The following ANGPT1 variants were observed in gnomAD, a reference collection of about 807,000 sequenced individuals.
The protein encoded by ANGPT1 is angiopoietin-1.
In ANGPT1, 17 loss-of-function variants were observed where a neutral mutation model predicts 62.2. That is an observed-to-expected ratio of 0.27 (90% CI 0.19 to 0.41). The LOEUF (loss-of-function observed/expected upper bound fraction) is 0.41. Ranked by LOEUF, ANGPT1 falls within the 10% of genes least tolerant of loss-of-function variation. The pLI is 1.00. For synonymous variants in ANGPT1, 199 were observed against 198.9 expected (o/e 1.00, Z 0.00); for missense variants, 478 against 594.9 (o/e 0.80, Z 2.04).
intron 1 of ANGPT1, among the ~76,000 whole-genome samples, chr8:107,350,398 C>T (rs1815906403): frequency 6.6e-6 from 1 of 152,046 alleles, no homozygotes; most frequent in African/African-American, 2.4e-5. Flanking sequence ...GTTTGATTTG[C>T]TCCAGGTGTA....
At chr8:107,434,425 G>A (rs947275344) in intron 1 of ANGPT1, among the ~76,000 whole-genome samples, 1 of 152,066 alleles carries the variant, frequency 6.6e-6, no homozygotes, top group African/African-American at 2.4e-5. Context: ...CTTGGGGTTG[G>A]GAGGCAGAAC....
intron 7 of ANGPT1, among the ~76,000 whole-genome samples, chr8:107,283,587 T>C (rs1814067648): frequency 6.6e-6 from 1 of 152,142 alleles, no homozygotes; most frequent in African/African-American, 2.4e-5. Flanking sequence ...AGTTGAACTA[T>C]GAGATAACCA....
At chr8:107,320,945 G>A (rs562126683) in intron 4 of ANGPT1, among the ~76,000 whole-genome samples, 1 of 152,150 alleles carries the variant, frequency 6.6e-6, no homozygotes, top group African/African-American at 2.4e-5. Context: ...CTTCATGAAT[G>A]GTCACATAAG....
intron 4 of ANGPT1, among the ~76,000 whole-genome samples, chr8:107,309,348 A>G (rs959093444): frequency 5.3e-5 from 8 of 152,196 alleles, no homozygotes; most frequent in African/African-American, 1.4e-4. Flanking sequence ...ACAACAGGTC[A>G]CTGAAATTAA....
At chr8:107,408,103 G>T (rs1362105066) in intron 1 of ANGPT1, among the ~76,000 whole-genome samples, 2 of 152,184 alleles carry the variant, frequency 1.3e-5, no homozygotes, top group Non-Finnish European at 2.9e-5. Flanking sequence ...ATTTGGGTCA[G>T]GCCCAATTAG....
At chr8:107,307,024 G>A (rs546053192) in intron 4 of ANGPT1, among the ~76,000 whole-genome samples, 22 of 152,184 alleles carry the variant, frequency 1.4e-4, no homozygotes, top group African/African-American at 5.3e-4. Flanking sequence ...TACACTTTTT[G>A]TAATAATGAA....
chr8:107,333,222 A>G (rs565102593), intron 3 of ANGPT1, among the ~76,000 whole-genome samples: 309 of 152,270 alleles, frequency 2.0e-3, no homozygotes, highest in African/African-American at 7.2e-3. Context: ...ATGTTCTGCC[A>G]ATACTCCATC....
At position 107,339,758 on chromosome 8, in the gene ANGPT1, A is replaced by G. The variant is rs545133197; in HGVS notation, c.454-3487T>C. Among the ~76,000 whole-genome samples the G allele has an allele frequency of 2.6e-5, 4 of 152,288 alleles. No individual in the cohort carries two copies. In the East Asian group the frequency reaches 5.8e-4, roughly 22 times the overall value. On this transcript the variant is annotated intron_variant, in intron 2 of 8. Coordinates refer to ENST00000517746, the MANE Select transcript of ANGPT1 (RefSeq NM_001146.5). The stretch of plus-strand genomic sequence containing the variant: ...AGCGCTCATAGCTGAGTTAGATGAC[A>G]TTCTGGGCAATGGACAGTGAGCTGT...
At chr8:107,304,477 G>A (rs1814668626) in intron 4 of ANGPT1, among the ~76,000 whole-genome samples, 1 of 151,398 alleles carries the variant, frequency 6.6e-6, no homozygotes, top group Non-Finnish European at 1.5e-5. Context: ...AGTTATAATA[G>A]TCTTTTATAA....
chr8:107,389,965 G>C (rs1283704), intron 1 of ANGPT1, among the ~76,000 whole-genome samples: 72,458 of 114,114 alleles, frequency 0.63, 19,174 homozygotes, highest in Non-Finnish European at 0.68. Context: ...GCTGCAGTAA[G>C]CTCTTTGAGA....
chr8:107,353,320 G>A (rs1170741432), intron 1 of ANGPT1, among the ~76,000 whole-genome samples: 1 of 152,182 alleles, frequency 6.6e-6, no homozygotes, highest in Admixed American at 6.5e-5. Context: ...ATCAATGTCA[G>A]ATGTCAGGTC....
chr8:107,467,623 G>A (rs963083904), intron 1 of ANGPT1, among the ~76,000 whole-genome samples: 4 of 151,974 alleles, frequency 2.6e-5, no homozygotes, highest in African/African-American at 9.7e-5. Flanking sequence ...AACAGACCTG[G>A]TTTTCTGCAT....
intron 3 of ANGPT1, among the ~76,000 whole-genome samples, chr8:107,331,524 T>C (rs1815420583): frequency 6.6e-6 from 1 of 152,222 alleles, no homozygotes. Context: ...ATTTTTATAA[T>C]AATTAAGGCA....
At chr8:107,429,545 G>A (rs1811123649) in intron 1 of ANGPT1, among the ~76,000 whole-genome samples, 1 of 151,622 alleles carries the variant, frequency 6.6e-6, no homozygotes, top group Admixed American at 6.6e-5. Context: ...GGAAGAGTCT[G>A]CAGTGAAATG....
At chr8:107,320,248 A>G (rs1006744332) in intron 4 of ANGPT1, among the ~76,000 whole-genome samples, 1 of 152,146 alleles carries the variant, frequency 6.6e-6, no homozygotes, top group Non-Finnish European at 1.5e-5. Context: ...GTTTACTTCT[A>G]AAGTCACATC....
chr8:107,374,326 T>G (rs1816482951), intron 1 of ANGPT1, among the ~76,000 whole-genome samples: 1 of 152,222 alleles, frequency 6.6e-6, no homozygotes, highest in Non-Finnish European at 1.5e-5. Flanking sequence ...GATTAGAAAG[T>G]ATAATATTTA....
chr8:107,317,768 T>C (rs1040690074), intron 4 of ANGPT1, among the ~76,000 whole-genome samples: 9 of 151,984 alleles, frequency 5.9e-5, no homozygotes, highest in South Asian at 2.1e-4. Flanking sequence ...GTAGCTGGGA[T>C]TACAGGCATG....
intron 5 of ANGPT1, among the ~76,000 whole-genome samples, chr8:107,296,369 A>G (rs1814416715): frequency 1.3e-5 from 2 of 152,242 alleles, no homozygotes; most frequent in South Asian, 4.1e-4. Flanking sequence ...ATGGAACAGG[A>G]GAGATAAAAT....
At chr8:107,353,765 A>G (rs1476970721) in intron 1 of ANGPT1, among the ~76,000 whole-genome samples, 1 of 152,208 alleles carries the variant, frequency 6.6e-6, no homozygotes, top group African/African-American at 2.4e-5. Context: ...GCCAAATGCT[A>G]CAGGTACAAA....
Sources: gnomAD v4.1 joint callset for allele counts (sites outside exome capture counted in the v4.1 genomes callset) on GRCh38, gnomAD v4.1.1 for gene constraint, MANE v1.5 for transcripts, NCBI Gene and HGNC (gene_info 2026-07-23, HGNC 2026-07-21) for gene names.